The following NFKB1 variants were observed in gnomAD, a reference collection of about 807,000 sequenced individuals.
The protein encoded by NFKB1 is nuclear factor NF-kappa-B p105 subunit.
A neutral mutation model predicts 105.1 loss-of-function variants in NFKB1; 9 were observed. The ratio of observed to expected loss-of-function variants is 0.09; its 90% CI spans 0.05 to 0.15. The LOEUF (loss-of-function observed/expected upper bound fraction) is 0.15, where lower values mean the gene tolerates loss of function less well. NFKB1 is among the 10% of genes least tolerant of loss of function. The pLI, the probability that NFKB1 is intolerant of heterozygous loss-of-function variation, is 1.00. For missense variants in NFKB1, 830 were observed against 1,203.7 expected, an observed-to-expected ratio of 0.69 and a Z score of 4.59; for synonymous variants, 440 against 442.2, an observed-to-expected ratio of 1.00 and a Z score of 0.06.
intron 1 of NFKB1, among the ~76,000 whole-genome samples, chr4:102,517,434 G>A (rs981746560): frequency 1.3e-5 from 2 of 152,118 alleles, no homozygotes; most frequent in Non-Finnish European, 2.9e-5. Flanking sequence ...TGAAATTGCA[G>A]TGCTTCTTAA....
intron 1 of NFKB1, among the ~76,000 whole-genome samples, chr4:102,515,689 C>T (rs1248269638): frequency 6.6e-6 from 1 of 152,098 alleles, no homozygotes; most frequent in Non-Finnish European, 1.5e-5. Flanking sequence ...GTTTGTCCTT[C>T]TGTGCTGTTA....
At chr4:102,546,479 A>G (rs1486502713) in intron 5 of NFKB1, among the ~76,000 whole-genome samples, 3 of 152,144 alleles carry the variant, frequency 2.0e-5, no homozygotes, top group African/African-American at 4.8e-5. Context: ...TCCCACTACA[A>G]TACACTTAGT....
chr4:102,506,089 C>T (rs1053947206), intron 1 of NFKB1, among the ~76,000 whole-genome samples: 1 of 151,848 alleles, frequency 6.6e-6, no homozygotes, highest in Non-Finnish European at 1.5e-5. Context: ...CTGAAAGAGG[C>T]ATTTATGAAC....
chr4:102,530,206 T>A (rs1741195089), intron 3 of NFKB1, among the ~76,000 whole-genome samples: 1 of 152,190 alleles, frequency 6.6e-6, no homozygotes, highest in Non-Finnish European at 1.5e-5. Flanking sequence ...TCCTTTTAAG[T>A]CCTTTCTCCC....
intron 5 of NFKB1, among the ~76,000 whole-genome samples, chr4:102,557,369 T>C (rs1257754989): frequency 1.3e-5 from 2 of 152,276 alleles, no homozygotes; most frequent in African/African-American, 4.8e-5. Flanking sequence ...GTTAAGTAAC[T>C]CTCCCAGAGT....
At chr4:102,601,683 T>C (rs989033097) in intron 16 of NFKB1, among the ~76,000 whole-genome samples, 3 of 152,216 alleles carry the variant, frequency 2.0e-5, no homozygotes, top group African/African-American at 7.2e-5. Context: ...GATGGGCATA[T>C]GCAGAATTCA....
chr4:102,540,687 G>T (rs1741941568), intron 5 of NFKB1, among the ~76,000 whole-genome samples: 1 of 152,080 alleles, frequency 6.6e-6, no homozygotes, highest in African/African-American at 2.4e-5. Context: ...AAATGGTTCT[G>T]CTGTTCCTAA....
intron 11 of NFKB1, among the ~76,000 whole-genome samples, chr4:102,592,887 T>G (rs1351887331): frequency 2.6e-5 from 4 of 152,212 alleles, no homozygotes; most frequent in Non-Finnish European, 5.9e-5. Context: ...CCTAGAACAC[T>G]GATCTGCACC....
At position 102,609,567 on chromosome 4, in the gene NFKB1, G is replaced by A. The variant is rs965793382; in HGVS notation, c.2228-1008G>A. On this transcript the variant is annotated intron_variant, in intron 19 of 23. Transcript: ENST00000226574. ...GCTGAGGTTGCAGTGAGCTGAGACT[G>A]CGCCATTGCACTCCAGCCTGGGCAA... 2.9e-5 allele frequency among the ~76,000 whole-genome samples: 4 copies of A among 137,364 alleles called. No homozygotes were observed. The South Asian group carries it at 9.2e-4, about 32-fold the overall frequency. The allele number at this position is 137,364 out of a possible 152,430, so 90.1% of individuals were successfully genotyped here.
chr4:102,582,545 T>G (rs1266156039), intron 9 of NFKB1, among the ~76,000 whole-genome samples: 4 of 152,218 alleles, frequency 2.6e-5, no homozygotes, highest in Admixed American at 6.5e-5. Context: ...GATTCTAATA[T>G]TCTTCCACCA....
chr4:102,518,854 G>T (rs140479871), intron 1 of NFKB1, among the ~76,000 whole-genome samples: 3 of 152,270 alleles, frequency 2.0e-5, no homozygotes, highest in African/African-American at 4.8e-5. Context: ...CCAGTGGCTG[G>T]TGCAGGCTTG....
chr4:102,583,020 C>A (rs1725435107), intron 10 of NFKB1, 63 bp downstream of exon 10: 5 of 1,171,524 alleles, frequency 4.3e-6, no homozygotes, highest in South Asian at 1.3e-5. Flanking sequence ...CACTCTGACA[C>A]CCAGGCTGCA....
At chr4:102,609,036 G>A (rs1578831409) in intron 19 of NFKB1, among the ~76,000 whole-genome samples, 4 of 151,612 alleles carry the variant, frequency 2.6e-5, no homozygotes, top group South Asian at 4.2e-4. Context: ...GCCTATAGTC[G>A]CAGCTAGTTT....
At chr4:102,609,367 T>C (rs1025721234) in intron 19 of NFKB1, among the ~76,000 whole-genome samples, 5 of 151,876 alleles carry the variant, frequency 3.3e-5, no homozygotes, top group African/African-American at 1.2e-4. Context: ...ATCCCAGCAC[T>C]TTGGGAGGCC....
At chr4:102,539,236 CAA>C (rs550342036) in intron 5 of NFKB1, among the ~76,000 whole-genome samples, 4 of 95,636 alleles carry the variant, frequency 4.2e-5, no homozygotes, top group Admixed American at 1.2e-4. Flanking sequence ...GACTCTGTCT[CAA>C]AAAAAAAAAA....
chr4:102,609,611 C>CAA (rs34646774), intron 19 of NFKB1, among the ~76,000 whole-genome samples: 1,084 of 63,212 alleles, frequency 0.017, 48 homozygotes, highest in East Asian at 0.044. Flanking sequence ...GACTCCATCT[C>CAA]AAAAAAAAAA....
chr4:102,528,414 T>G (rs1312346429), intron 2 of NFKB1, among the ~76,000 whole-genome samples: 1 of 152,180 alleles, frequency 6.6e-6, no homozygotes, highest in African/African-American at 2.4e-5. Flanking sequence ...AAAATTTGCA[T>G]CCCTCAAATG....
chr4:102,541,815 T>C (rs1375031087), intron 5 of NFKB1, among the ~76,000 whole-genome samples: 2 of 152,194 alleles, frequency 1.3e-5, no homozygotes, highest in African/African-American at 4.8e-5. Context: ...TAAAATGCCA[T>C]GGGCTGTGCT....
rs143840279 is a variant in NFKB1, at chr4:102,504,826, G to A, written c.-8+3038G>A. On this transcript the variant is annotated intron_variant, in intron 1 of 23. Transcript: ENST00000226574. Reference sequence around the variant, plus strand: ...GAAGGTACTCAGCCTCAGGGAGAAAGGTTTGAACGTTTTGGCATAGTCCTG... The same window carrying A: ...GAAGGTACTCAGCCTCAGGGAGAAAAGTTTGAACGTTTTGGCATAGTCCTG... Among the ~76,000 whole-genome samples, 601 of 152,234 alleles carry A rather than the reference G, an allele frequency of 3.9e-3. 3 individuals carry two copies. Among genetic ancestry groups the A allele is most frequent in the Middle Eastern group, 0.02 (6 of 294 alleles).
Sources: allele counts gnomAD v4.1 joint callset (sites outside exome capture counted in the v4.1 genomes callset), GRCh38; gene constraint gnomAD v4.1.1; transcripts MANE v1.5; gene names NCBI Gene and HGNC (gene_info 2026-07-23, HGNC 2026-07-21).